The following TRIT1 variants were observed in gnomAD, a reference collection of about 807,000 sequenced individuals.
TRIT1 encodes the protein tRNA isopentenyltransferase 1.
A neutral mutation model predicts 51.2 loss-of-function variants in TRIT1; 43 were observed. The ratio of observed to expected loss-of-function variants is 0.84; its 90% CI spans 0.66 to 1.08. The LOEUF (loss-of-function observed/expected upper bound fraction) is 1.08. Ranked by LOEUF, TRIT1 falls within the 50% of genes least tolerant of loss-of-function variation. TRIT1 has a pLI of 0.00. For missense variants in TRIT1, 528 were observed against 578.4 expected, an observed-to-expected ratio of 0.91 and a Z score of 0.89; for synonymous variants, 184 against 203.9, an observed-to-expected ratio of 0.90 and a Z score of 0.83.
At chr1:39,854,200 C>A (rs948231236) in intron 2 of TRIT1, 132 bp from the exon 3 acceptor site, 16 of 631,960 alleles carry the variant, frequency 2.5e-5, no homozygotes, top group African/African-American at 2.0e-4. Flanking sequence ...TGCGTTGATA[C>A]CAGCCCTCAG....
At chr1:39,846,814 TGAA>T (rs1239734213) in intron 8 of TRIT1, among the ~76,000 whole-genome samples, 1 of 152,076 alleles carries the variant, frequency 6.6e-6, no homozygotes, top group Non-Finnish European at 1.5e-5. Context: ...GGAGAAATGG[TGAA>T]GGTGTCTTTT....
In TRIT1 at chr1:39,847,267, C is replaced by G. The variant is rs141381625; in HGVS notation, c.959G>C (p.Arg320Thr). The G allele has an allele frequency of 9.3e-6, 15 of 1,614,138 alleles. No individual in the cohort carries two copies. The East Asian group carries it at 3.3e-4, about 36-fold the overall frequency. Residue 320 changes from arginine (R) to threonine (T), a missense_variant, in exon 8 of 11, where the codon AGA becomes ACA. Physicochemically the swap from Arg to Thr is moderately conservative, Grantham distance 71 (BLOSUM62 -1). Coordinates refer to ENST00000316891, the MANE Select transcript of TRIT1 (RefSeq NM_017646.6). ...GIEALKQVTK[R>T]YARKQNRWVK... ...CCATCGGTTTTGTTTCCGGGCATAT[C>G]TCTTAGTTACTTGTTTCAGAGCCTC...
rs746037657 is a variant in TRIT1 at position 39,850,252 on chromosome 1, T to C, written c.570A>G (p.Gln190=). Residue 190 remains glutamine, a synonymous_variant, in exon 5 of 11, where the codon CAA becomes CAG. Transcript: ENST00000316891. ...HDKRKVARSL[Q]VFEETGISHS... The stretch of plus-strand genomic sequence containing the variant: ...GAGAGATTCCTGTTTCTTCAAAAAC[T>C]TGCAAGCTCCTAAGTAATTTAAAAG... 21 of 1,614,020 alleles carry C rather than the reference T, an allele frequency of 1.3e-5. No individual in the cohort carries two copies. The highest frequency in any genetic ancestry group is 1.7e-5 in the Non-Finnish European group (20 of 1,180,018).
intron 3 of TRIT1, among the ~76,000 whole-genome samples, chr1:39,853,208 G>C (rs1642687432): frequency 6.6e-6 from 1 of 152,184 alleles, no homozygotes; most frequent in African/African-American, 2.4e-5. Context: ...AGGATTGCCA[G>C]TGAATTACAG....
chr1:39,883,264 T>G (rs1644318959), intron 1 of TRIT1, 54 bp downstream of exon 1: 2 of 1,551,784 alleles, frequency 1.3e-6, no homozygotes, highest in Admixed American at 1.9e-5. Context: ...TGCCACAGGG[T>G]GTCCACGCGG....
At position 39,860,947 on chromosome 1, in the gene TRIT1, G is replaced by A. The variant is rs185280556; in HGVS notation, c.175-3530C>T. On this transcript the variant is annotated intron_variant, in intron 1 of 10. Coordinates refer to ENST00000316891, the MANE Select transcript of TRIT1 (RefSeq NM_017646.6). ...ACAAAAATCAGCCAGGCGTGGTGGC[G>A]CACGCCTGTAATCTCAGCTACTCAG... 3.3e-3 allele frequency among the ~76,000 whole-genome samples: 497 copies of A among 152,114 alleles called. 5 individuals carry two copies. The highest frequency in any genetic ancestry group is 0.011 in the African/African-American group (464 of 41,506).
intron 8 of TRIT1, among the ~76,000 whole-genome samples, chr1:39,846,528 G>C (rs569214834): frequency 3.9e-5 from 6 of 152,188 alleles, no homozygotes; most frequent in African/African-American, 1.4e-4. Flanking sequence ...AAGGAGTGTG[G>C]ACTCTGTGTC....
chr1:39,847,914 G>A, intron 6 of TRIT1, 72 bp downstream of exon 6: 5 of 1,444,580 alleles, frequency 3.5e-6, no homozygotes, highest in Non-Finnish European at 4.8e-6. Context: ...CCCAAAGCCA[G>A]TATTAGCGTT....
At chr1:39,882,731 G>A (rs563407662) in intron 1 of TRIT1, among the ~76,000 whole-genome samples, 1 of 152,304 alleles carries the variant, frequency 6.6e-6, no homozygotes, top group South Asian at 2.1e-4. Flanking sequence ...TGTGCGGTAG[G>A]TGACATTTTC....
In TRIT1 at chr1:39,841,662, T is replaced by C; in HGVS notation, c.*82A>G. 2.1e-6 allele frequency: 3 copies of C among 1,434,802 alleles called. No homozygotes were observed. The highest frequency in any genetic ancestry group is 1.9e-6 in the Non-Finnish European group (2 of 1,064,028). The allele number at this position is 1,434,802 out of a possible 1,614,324, so 88.9% of individuals were successfully genotyped here. On this transcript the variant is annotated 3_prime_UTR_variant, in exon 11 of 11. Transcript: ENST00000316891. The stretch of plus-strand genomic sequence containing the variant: ...GCAGAGAATTCCGCATAGCACTCCT[T>C]TGCCCAGACTGGGAGACAAACATAC...
At chr1:39,847,952 G>T (rs1238193690) in intron 6 of TRIT1, 34 bp downstream of exon 6, 3 of 1,573,762 alleles carry the variant, frequency 1.9e-6, no homozygotes, top group Non-Finnish European at 2.6e-6. Flanking sequence ...TGCAAAATAT[G>T]GACAGTAGGT....
At chr1:39,858,518 G>A (rs1643029956) in intron 1 of TRIT1, among the ~76,000 whole-genome samples, 1 of 152,082 alleles carries the variant, frequency 6.6e-6, no homozygotes, top group Admixed American at 6.5e-5. Context: ...GTTTTTGCCT[G>A]GCACATTTTA....
chr1:39,848,777 C>T (rs759796791), intron 5 of TRIT1, among the ~76,000 whole-genome samples: 1 of 151,352 alleles, frequency 6.6e-6, no homozygotes, highest in Non-Finnish European at 1.5e-5. Flanking sequence ...GAGCCGAGAT[C>T]GCACCACTGC....
chr1:39,845,470 C>T (rs1318665694), intron 8 of TRIT1, among the ~76,000 whole-genome samples: 1 of 152,224 alleles, frequency 6.6e-6, no homozygotes, highest in East Asian at 1.9e-4. Context: ...CAAAGGCCTT[C>T]GGATGCCAAC....
chr1:39,845,663 C>T (rs756754720), intron 8 of TRIT1, among the ~76,000 whole-genome samples: 10 of 152,230 alleles, frequency 6.6e-5, no homozygotes, highest in Non-Finnish European at 1.3e-4. Flanking sequence ...TTTCCTTTCT[C>T]CTCTAAGCCC....
At chr1:39,870,046 G>A (rs1436617711) in intron 1 of TRIT1, among the ~76,000 whole-genome samples, 8 of 152,226 alleles carry the variant, frequency 5.3e-5, no homozygotes, top group African/African-American at 1.7e-4. Flanking sequence ...CCATGATGAC[G>A]ATGGCGGTTT....
rs1642652432 is a variant in TRIT1 at position 39,852,674 on chromosome 1, A to G, written c.560+57T>C. The G allele has an allele frequency of 1.9e-6, 3 of 1,579,448 alleles. No individual in the cohort carries two copies. In the African/African-American group the frequency reaches 4.1e-5, roughly 21 times the overall value. On this transcript the variant is annotated intron_variant, in intron 4 of 10. Coordinates refer to ENST00000316891, the MANE Select transcript of TRIT1 (RefSeq NM_017646.6). ...CTCTCATCATCTGGGCAAACTGAAG[A>G]ACTGACTGCTCTCTAGTTGTAAAGG...
In TRIT1 at chr1:39,877,019, CAAAAAAAAAAAAAAA is replaced by C. The variant is rs529375001; in HGVS notation, c.174+6284_174+6298del. Among the ~76,000 whole-genome samples, 6 of 74,614 alleles carry C rather than the reference CAAAAAAAAAAAAAAA, an allele frequency of 8.0e-5. 1 individual carries two copies. Among genetic ancestry groups the C allele is most frequent in the African/African-American group, 2.7e-4 (5 of 18,598 alleles). The allele number at this position is 74,614 out of a possible 152,430, so 48.9% of individuals were successfully genotyped here. On this transcript the variant is annotated intron_variant, in intron 1 of 10. Transcript: ENST00000316891. ...CCTTTTCTCCTGGTTAATGGGTCTTCAAAAAAAAAAAAAAAAAAAAAAAAACAGGTCTTCAAGCCT... is the reference window on the plus strand; with the variant it reads ...CCTTTTCTCCTGGTTAATGGGTCTTCAAAAAAAAAACAGGTCTTCAAGCCT...
rs367720535 is a variant in TRIT1, at chr1:39,853,927, A to G, written c.414+43T>C. On this transcript the variant is annotated intron_variant, in intron 3 of 10. Coordinates refer to ENST00000316891, the MANE Select transcript of TRIT1 (RefSeq NM_017646.6). ...CCACTGAAATTAGACAGCAAGAAAGAGCAATCCATTTCCTCAGTGAGTTAC... is the reference window on the plus strand; with the variant it reads ...CCACTGAAATTAGACAGCAAGAAAGGGCAATCCATTTCCTCAGTGAGTTAC... The G allele has an allele frequency of 9.6e-6, 13 of 1,355,828 alleles. No homozygotes were observed. The South Asian group carries it at 1.3e-4, about 14-fold the overall frequency. The allele number at this position is 1,355,828 out of a possible 1,614,324, so 84.0% of individuals were successfully genotyped here. A position where few individuals can be genotyped will look rare whatever the true frequency, so the allele number is the denominator to read the frequency against.
Sources: gnomAD v4.1 joint callset for allele counts (sites outside exome capture counted in the v4.1 genomes callset) on GRCh38, gnomAD v4.1.1 for gene constraint, MANE v1.5 for transcripts, NCBI Gene and HGNC (gene_info 2026-07-23, HGNC 2026-07-21) for gene names.